The following SLC25A31 variants were observed in gnomAD, a reference collection of about 807,000 sequenced individuals.
SLC25A31 encodes the protein solute carrier family 25 member 31.
SLC25A31 carries 40 observed loss-of-function variants against 36.2 expected under a neutral mutation model. The observed-to-expected ratio is 1.10, with a 90% CI of 0.86 to 1.44. The LOEUF (loss-of-function observed/expected upper bound fraction) is 1.44, where lower values mean the gene tolerates loss of function less well. Among genes scored for constraint, SLC25A31 ranks in the 40% most tolerant of loss-of-function variants. The probability of loss-of-function intolerance (pLI) is 0.00; values close to 1 mark genes in which losing one functional copy is unlikely to be tolerated. For synonymous variants in SLC25A31, 143 were observed against 149.7 expected (o/e 0.96, Z 0.32); for missense variants, 350 against 397.1 (o/e 0.88, Z 1.01).
intron 1 of SLC25A31, among the ~76,000 whole-genome samples, chr4:127,742,187 C>G (rs994836584): frequency 9.2e-5 from 14 of 152,110 alleles, no homozygotes; most frequent in African/African-American, 3.4e-4. Context: ...GCTCAATTGG[C>G]CCATGGAACT....
chr4:127,765,632 AGCTCAT>A (rs1732226806), intron 3 of SLC25A31, among the ~76,000 whole-genome samples: 1 of 152,176 alleles, frequency 6.6e-6, no homozygotes, highest in Admixed American at 6.5e-5. Context: ...TAAGACATAG[AGCTCAT>A]GCCTCATGTA....
At chr4:127,770,518 C>G (rs545995105) in intron 5 of SLC25A31, among the ~76,000 whole-genome samples, 2 of 151,312 alleles carry the variant, frequency 1.3e-5, no homozygotes, top group Admixed American at 1.3e-4. Context: ...CCCAGCTACT[C>G]GGGAGGCTGA....
intron 1 of SLC25A31, 33 bp from the exon 2 acceptor site, chr4:127,744,639 T>C (rs1731790301): frequency 6.4e-7 from 1 of 1,559,432 alleles, no homozygotes; most frequent in African/African-American, 1.4e-5. Context: ...TAATACAATG[T>C]AGGTTTATGT....
rs139370664 is a variant in SLC25A31 at position 127,741,448 on chromosome 4, GCTT to G, written c.233-3219_233-3217del. On this transcript the variant is annotated intron_variant, in intron 1 of 5. Transcript: ENST00000281154. ...TACATAAAGATAAATTCTGTCAAAT[GCTT>G]CTTCAGCATTTTTTGAGATGCTCAT... Among the ~76,000 whole-genome samples the G allele has an allele frequency of 2.5e-3, 381 of 152,198 alleles. 2 individuals are homozygous for G. The highest frequency in any genetic ancestry group is 0.011 in the South Asian group (54 of 4,810).
rs564145649 is a variant in SLC25A31 at position 127,764,248 on chromosome 4, G to A, written c.366G>A (p.Trp122Ter). The A allele has an allele frequency of 2.1e-4, 342 of 1,613,550 alleles. 1 individual carries two copies. In the South Asian group the frequency reaches 3.6e-3, roughly 17 times the overall value. ...MSGVNKEKQF[W>*]RWFLANLASG... is the part of the protein sequence containing the mutation. Reference sequence around the variant, plus strand: ...TTTAAATTAATATGTTTCAGTTCTGGAGGTGGTTTTTGGCAAACCTGGCTT... The same window carrying A: ...TTTAAATTAATATGTTTCAGTTCTGAAGGTGGTTTTTGGCAAACCTGGCTT... Residue 122 changes from tryptophan (W) to a stop codon, truncating the protein, a stop_gained, in exon 3 of 6, where the codon TGG becomes TGA. Coordinates refer to ENST00000281154, the MANE Select transcript of SLC25A31 (RefSeq NM_031291.4). LOFTEE classifies it high-confidence loss of function.
intron 2 of SLC25A31, among the ~76,000 whole-genome samples, chr4:127,748,585 C>A (rs1731865153): frequency 6.6e-6 from 1 of 152,138 alleles, no homozygotes. Context: ...ACTCACAGAC[C>A]AAGGTCCTTG....
chr4:127,737,552 ACTCTT>A (rs924599453), intron 1 of SLC25A31, among the ~76,000 whole-genome samples: 1 of 147,064 alleles, frequency 6.8e-6, no homozygotes, highest in African/African-American at 2.5e-5. Context: ...CCTTTGTACT[ACTCTT>A]TTTTTTTTTT....
intron 2 of SLC25A31, among the ~76,000 whole-genome samples, chr4:127,757,456 G>A (rs114975074): frequency 0.025 from 3,753 of 152,252 alleles, 142 homozygotes; most frequent in African/African-American, 0.086. Context: ...TTGCTGCCAA[G>A]GACATTATTT....
intron 2 of SLC25A31, among the ~76,000 whole-genome samples, chr4:127,759,970 A>C (rs1283587490): frequency 6.6e-6 from 1 of 152,158 alleles, no homozygotes; most frequent in East Asian, 1.9e-4. Flanking sequence ...TGATGGAAAA[A>C]AGAATACTGT....
At chr4:127,753,609 C>CA (rs2148759419) in intron 2 of SLC25A31, among the ~76,000 whole-genome samples, 1 of 152,148 alleles carries the variant, frequency 6.6e-6, no homozygotes, top group East Asian at 1.9e-4. Flanking sequence ...TAGAAACATA[C>CA]AACTTATCAA....
intron 5 of SLC25A31, among the ~76,000 whole-genome samples, chr4:127,770,474 A>T (rs1489522463): frequency 6.6e-6 from 1 of 152,018 alleles, no homozygotes; most frequent in East Asian, 1.9e-4. Flanking sequence ...AAAATACAAA[A>T]AATTAGCCAG....
At chr4:127,758,931 G>A (rs997618147) in intron 2 of SLC25A31, among the ~76,000 whole-genome samples, 3 of 152,012 alleles carry the variant, frequency 2.0e-5, no homozygotes, top group South Asian at 2.1e-4. Flanking sequence ...TTCTTTTTGC[G>A]TGGGATTCCT....
chr4:127,768,342 A>C (rs867917799), intron 4 of SLC25A31, among the ~76,000 whole-genome samples: 2 of 152,076 alleles, frequency 1.3e-5, no homozygotes, highest in Non-Finnish European at 2.9e-5. Flanking sequence ...TATCACCTGC[A>C]GTAGTTATGA....
chr4:127,730,893 C>G, intron 1 of SLC25A31, 116 bp downstream of exon 1: 2 of 989,426 alleles, frequency 2.0e-6, no homozygotes, highest in Non-Finnish European at 2.9e-6. Context: ...CTACAGCTGT[C>G]GGTGATGAAT....
At chr4:127,770,555 G>A (rs1327127208) in intron 5 of SLC25A31, among the ~76,000 whole-genome samples, 2 of 151,958 alleles carry the variant, frequency 1.3e-5, no homozygotes, top group Non-Finnish European at 2.9e-5. Flanking sequence ...GAACCACGAG[G>A]CAGAGCTTGC....
At chr4:127,735,869 T>TATTATTATTATTA (rs1369691108) in intron 1 of SLC25A31, among the ~76,000 whole-genome samples, 4 of 87,722 alleles carry the variant, frequency 4.6e-5, no homozygotes, top group Admixed American at 1.6e-4. Flanking sequence ...ATTCTTTTAT[T>TATTATTATTATTA]TTATTTATTT....
intron 2 of SLC25A31, among the ~76,000 whole-genome samples, chr4:127,759,550 T>C (rs1408995883): frequency 6.6e-6 from 1 of 152,180 alleles, no homozygotes; most frequent in Non-Finnish European, 1.5e-5. Flanking sequence ...GAACAAACTT[T>C]TGATAGGGCA....
At chr4:127,733,608 C>G (rs529626638) in intron 1 of SLC25A31, among the ~76,000 whole-genome samples, 1 of 152,252 alleles carries the variant, frequency 6.6e-6, no homozygotes, top group Admixed American at 6.5e-5. Context: ...GCAAGCTTGA[C>G]TATTATATTT....
Position 127,752,609 on chromosome 4 carries a change from G to A in SLC25A31, c.360+7810G>A, listed in dbSNP as rs1033957201. 2.0e-5 allele frequency among the ~76,000 whole-genome samples: 3 copies of A among 150,300 alleles called. No homozygotes were observed. In the South Asian group the frequency reaches 6.3e-4, roughly 32 times the overall value. ...TTGCAGGCAAATGGAAATTTAAAAA[G>A]AGCAGAGGTGGCTATACTTACATCA... On this transcript the variant is annotated intron_variant, in intron 2 of 5. Coordinates refer to ENST00000281154, the MANE Select transcript of SLC25A31 (RefSeq NM_031291.4).
Sources: allele counts gnomAD v4.1 joint callset (sites outside exome capture counted in the v4.1 genomes callset), GRCh38; gene constraint gnomAD v4.1.1; transcripts MANE v1.5; gene names NCBI Gene and HGNC (gene_info 2026-07-23, HGNC 2026-07-21).